Variants in KHDC1 observed in about 807,000 individuals in gnomAD.
KHDC1 encodes KH domain containing 1.
In KHDC1, 21 loss-of-function variants were observed where a neutral mutation model predicts 24.7. That is an observed-to-expected ratio of 0.85 (90% CI 0.60 to 1.23). The LOEUF is 1.23. Ranked by LOEUF, KHDC1 falls within the 50% of genes most tolerant of loss-of-function variation. The probability of loss-of-function intolerance (pLI) is 0.00; values close to 1 mark genes in which losing one functional copy is unlikely to be tolerated. For missense variants in KHDC1, 274 were observed against 298.5 expected (o/e 0.92, Z 0.61); for synonymous variants, 98 against 111.7 (o/e 0.88, Z 0.77).
At chr6:73,288,992 G>T (rs904328479) in intron 2 of KHDC1, among the ~76,000 whole-genome samples, 5 of 152,018 alleles carry the variant, frequency 3.3e-5, no homozygotes, top group Non-Finnish European at 5.9e-5. Flanking sequence ...CAGTACAAAA[G>T]GACATAATCC....
At chr6:73,256,934 A>G (rs889120302) in intron 2 of KHDC1, among the ~76,000 whole-genome samples, 1 of 152,228 alleles carries the variant, frequency 6.6e-6, no homozygotes, top group African/African-American at 2.4e-5. Flanking sequence ...GAGTTAACAT[A>G]ATTAAAATTA....
intron 2 of KHDC1, among the ~76,000 whole-genome samples, chr6:73,281,547 G>A (rs1767408901): frequency 6.6e-6 from 1 of 150,756 alleles, no homozygotes; most frequent in South Asian, 2.1e-4. Context: ...AACCCAGGAG[G>A]CAAAGATTCC....
exon 5 of KHDC1, chr6:73,241,583 G>A: frequency 6.2e-7 from 1 of 1,614,162 alleles, no homozygotes; most frequent in Non-Finnish European, 8.5e-7. Context: ...CTTGGTAAGG[G>A]GAAGGCTGAG....
At chr6:73,297,073 G>A (rs1767771798) in intron 1 of KHDC1, among the ~76,000 whole-genome samples, 1 of 151,966 alleles carries the variant, frequency 6.6e-6, no homozygotes, top group South Asian at 2.1e-4. Context: ...GCTAAATTTT[G>A]TACTTTTAGT....
At chr6:73,280,630 C>T (rs1227457580) in intron 2 of KHDC1, among the ~76,000 whole-genome samples, 1 of 150,766 alleles carries the variant, frequency 6.6e-6, no homozygotes, top group African/African-American at 2.4e-5. Flanking sequence ...AAGTGATTCT[C>T]CTGCCTCAGC....
chr6:73,309,591 C>T (rs1001451392), exon 1 of KHDC1: 7 of 1,546,114 alleles, frequency 4.5e-6, no homozygotes, highest in South Asian at 2.4e-5. Context: ...GACACTGTCC[C>T]GATCAGGAGC....
chr6:73,267,922 C>T (rs937938153), intron 2 of KHDC1: 2 of 152,132 alleles, frequency 1.3e-5, no homozygotes, highest in African/African-American at 2.4e-5. Context: ...CTGCAACATC[C>T]GCCTCCTGGG....
chr6:73,302,933 T>G (rs141575732), intron 1 of KHDC1, among the ~76,000 whole-genome samples: 1,615 of 152,136 alleles, frequency 0.011, 32 homozygotes, highest in African/African-American at 0.037. Context: ...AAAAATTAGC[T>G]GGGTGTGATG....
At chr6:73,308,900 C>T (rs187984654) in intron 1 of KHDC1, among the ~76,000 whole-genome samples, 57 of 152,298 alleles carry the variant, frequency 3.7e-4, no homozygotes, top group African/African-American at 1.3e-3. Flanking sequence ...GGCGCCATCT[C>T]GGCTCACTCC....
rs375379446 is a variant in KHDC1, at chr6:73,306,923, C to A, written c.163+2629G>T. On this transcript the variant is annotated intron_variant, in intron 1 of 4. Coordinates refer to ENST00000370384, the Ensembl canonical transcript of KHDC1. ...ACTCAGGAGACTGAGGCAGGAGAAT[C>A]GCTTGAACCCAGGAGGCAGAGATGG... is the stretch of plus-strand genomic sequence containing the variant. Among the ~76,000 whole-genome samples, 6 of 152,146 alleles carry A rather than the reference C, an allele frequency of 3.9e-5. No homozygotes were observed. The East Asian group carries it at 1.2e-3, about 29-fold the overall frequency.
chr6:73,298,485 G>GATCC (rs1767804127), intron 1 of KHDC1, among the ~76,000 whole-genome samples: 1 of 131,832 alleles, frequency 7.6e-6, no homozygotes, highest in South Asian at 2.5e-4. Context: ...ACCCAGGCTG[G>GATCC]AGTGCAGTGT....
chr6:73,285,623 T>TAC (rs1491218040), intron 2 of KHDC1, among the ~76,000 whole-genome samples: 1 of 151,712 alleles, frequency 6.6e-6, no homozygotes, highest in Non-Finnish European at 1.5e-5. Context: ...CCTGAGTCAC[T>TAC]GTGCCCGGCC....
intron 2 of KHDC1, among the ~76,000 whole-genome samples, chr6:73,285,823 T>C (rs1054079420): frequency 2.0e-5 from 3 of 152,184 alleles, no homozygotes; most frequent in African/African-American, 7.2e-5. Context: ...TTTAGAAGAA[T>C]CAGGCTTTCC....
At chr6:73,277,957 G>T (rs1767328012) in intron 2 of KHDC1, among the ~76,000 whole-genome samples, 1 of 142,432 alleles carries the variant, frequency 7.0e-6, no homozygotes, top group African/African-American at 2.6e-5. Context: ...TTATACCTTT[G>T]TCAAACATTT....
chr6:73,287,726 T>C (rs1767549960), intron 2 of KHDC1, among the ~76,000 whole-genome samples: 1 of 152,158 alleles, frequency 6.6e-6, no homozygotes, highest in South Asian at 2.1e-4. Context: ...AGGTCCCAGT[T>C]GACAATGATA....
chr6:73,267,464 C>T (rs1767095284), intron 2 of KHDC1, among the ~76,000 whole-genome samples: 1 of 151,672 alleles, frequency 6.6e-6, no homozygotes, highest in Admixed American at 6.6e-5. Flanking sequence ...GACTGGGTGA[C>T]AGAGGAAGAC....
intron 2 of KHDC1, chr6:73,269,259 A>G (rs1767139165): frequency 6.6e-6 from 1 of 152,470 alleles, no homozygotes; most frequent in Non-Finnish European, 1.5e-5. Context: ...CTCTCCCTCC[A>G]CACCTCCCTG....
At chr6:73,249,825 C>T (rs1184646712) in intron 2 of KHDC1, among the ~76,000 whole-genome samples, 1 of 152,160 alleles carries the variant, frequency 6.6e-6, no homozygotes, top group Non-Finnish European at 1.5e-5. Context: ...TCATAGCTCA[C>T]TGCAGTCTCA....
intron 2 of KHDC1, among the ~76,000 whole-genome samples, chr6:73,272,794 A>AG (rs1468755720): frequency 6.6e-6 from 1 of 151,308 alleles, no homozygotes; most frequent in Non-Finnish European, 1.5e-5. Flanking sequence ...AAAGAAAAAA[A>AG]CAGGGAGAGA....
Sources: allele counts gnomAD v4.1 joint callset (sites outside exome capture counted in the v4.1 genomes callset), GRCh38; gene constraint gnomAD v4.1.1; transcripts MANE v1.5; gene names NCBI Gene and HGNC (gene_info 2026-07-23, HGNC 2026-07-21).